The following TNS1 variants were observed in gnomAD, a reference collection of about 807,000 sequenced individuals.
The protein encoded by TNS1 is tensin 1.
In TNS1, 62 loss-of-function variants were observed where a neutral mutation model predicts 168.6. That is an observed-to-expected ratio of 0.37 (90% CI 0.30 to 0.45). The LOEUF is 0.45. Among genes scored for constraint, TNS1 ranks in the 20% least tolerant of loss-of-function variants. The probability of loss-of-function intolerance (pLI) is 1.00; values close to 1 mark genes in which losing one functional copy is unlikely to be tolerated. For synonymous variants in TNS1, 934 were observed against 933.2 expected (o/e 1.00, Z -0.02); for missense variants, 2,240 against 2,339.4 (o/e 0.96, Z 0.88).
intron 18 of TNS1, among the ~76,000 whole-genome samples, chr2:217,851,327 A>C (rs79968799): frequency 6.6e-6 from 1 of 152,094 alleles, no homozygotes; most frequent in Non-Finnish European, 1.5e-5. Flanking sequence ...GTGATCAGAC[A>C]ACCACAAAAC....
At chr2:218,003,012 T>A, upstream of TNS1, 1 of 442,022 alleles carries the variant, frequency 2.3e-6, no homozygotes, top group Non-Finnish European at 4.6e-6. Flanking sequence ...CCTCTCGCCC[T>A]GCTGCCTCCA....
At chr2:218,028,817 A>C (rs1260739788) in intron 1 of TNS1, among the ~76,000 whole-genome samples, 1 of 152,212 alleles carries the variant, frequency 6.6e-6, no homozygotes, top group Admixed American at 6.5e-5. Flanking sequence ...ACAGTCAGCA[A>C]GGGGACCTGG....
rs551899406 is a variant in TNS1, at chr2:217,802,424, G to C, written c.*2035C>G. ...GAGAAAAAATACAAAAGACACACAC[G>C]CACCTATGTGTGCCATACACACCCA... On this transcript the variant is annotated 3_prime_UTR_variant, in exon 33 of 33. Transcript: ENST00000682258. 6.6e-6 allele frequency: 1 copy of C among 152,380 alleles called. No homozygotes were observed. The highest frequency in any genetic ancestry group is 6.5e-5 in the Admixed American group (1 of 15,302). The allele number at this position is 152,380 out of a possible 1,614,324, so 9.4% of individuals were successfully genotyped here. A position where few individuals can be genotyped will look rare whatever the true frequency, so the allele number is the denominator to read the frequency against.
chr2:217,815,550 A>T (rs1231175528), intron 24 of TNS1, among the ~76,000 whole-genome samples: 3 of 152,114 alleles, frequency 2.0e-5, no homozygotes, highest in Non-Finnish European at 2.9e-5. Context: ...CTCCTCATCC[A>T]TCCCCTATCC....
chr2:217,825,675 CG>C (rs1408981160), intron 22 of TNS1, among the ~76,000 whole-genome samples: 1 of 152,036 alleles, frequency 6.6e-6, no homozygotes, highest in African/African-American at 2.4e-5. Context: ...CTGTGGCTTG[CG>C]GGTGCTTACT....
At chr2:217,954,298 C>T (rs555785650) in intron 3 of TNS1, among the ~76,000 whole-genome samples, 1 of 152,308 alleles carries the variant, frequency 6.6e-6, no homozygotes, top group Admixed American at 6.5e-5. Flanking sequence ...AGCGAATGAG[C>T]TGCGGTCCCC....
chr2:217,909,571 CCACACACACA>C (rs3054350), intron 4 of TNS1, among the ~76,000 whole-genome samples: 41 of 147,192 alleles, frequency 2.8e-4, no homozygotes, highest in Admixed American at 2.5e-3. Context: ...GCCTGGGTGC[CCACACACACA>C]CACACACACA....
At chr2:217,805,531 A>AT (rs1938581618) in intron 32 of TNS1, among the ~76,000 whole-genome samples, 1 of 2,252 alleles carries the variant, frequency 4.4e-4, no homozygotes, top group Non-Finnish European at 8.9e-4. Context: ...CACACCACAC[A>AT]CACCACACAC....
In TNS1 at chr2:217,804,060, G is replaced by C. The variant is rs759149450; in HGVS notation, c.*399C>G. The stretch of plus-strand genomic sequence containing the variant: ...CAGCTTGATTTCCCCTTGCAAAGCA[G>C]TTGAGTTAGGGAGACAGAGCTTTTC... On this transcript the variant is annotated 3_prime_UTR_variant, in exon 33 of 33. Coordinates refer to ENST00000682258, the MANE Select transcript of TNS1 (RefSeq NM_001387777.1). 1.9e-4 allele frequency: 31 copies of C among 159,418 alleles called. No individual in the cohort carries two copies. Among genetic ancestry groups the C allele is most frequent in the Non-Finnish European group, 3.3e-4 (24 of 72,708 alleles). 9.9% of individuals were successfully genotyped at this position (159,418 alleles called of 1,614,324 possible). A position where few individuals can be genotyped will look rare whatever the true frequency, so the allele number is the denominator to read the frequency against.
At chr2:217,895,120 A>G in intron 8 of TNS1, 64 bp from the exon 9 acceptor site, 1 of 1,491,698 alleles carries the variant, frequency 6.7e-7, no homozygotes, top group Non-Finnish European at 9.2e-7. Context: ...GAGGAGAGAG[A>G]GAACCATGGC....
chr2:217,920,126 A>G (rs1955564170), intron 4 of TNS1, 69 bp downstream of exon 4: 2 of 702,858 alleles, frequency 2.8e-6, no homozygotes, highest in South Asian at 1.5e-5. Flanking sequence ...GGTCTAAAGA[A>G]AGCTGCAGCT....
Position 217,995,883 on chromosome 2 carries a change from C to G in TNS1, c.34-4827G>C, listed in dbSNP as rs10932736. ...CCCAGAGCTCTAGCCCCCACCCTGCCACCAGCCCACCCAGCATCAGAGGGC... is the reference window on the plus strand; with the variant it reads ...CCCAGAGCTCTAGCCCCCACCCTGCGACCAGCCCACCCAGCATCAGAGGGC... On this transcript the variant is annotated intron_variant, in intron 1 of 32. Coordinates refer to ENST00000682258, the MANE Select transcript of TNS1 (RefSeq NM_001387777.1). The surrounding 1 kb of genome is among the most constrained non-coding windows in gnomAD (Gnocchi z 4.1). Among the ~76,000 whole-genome samples, 40,846 of 152,142 alleles carry G rather than the reference C, an allele frequency of 0.27. 5,767 individuals are homozygous for G. Among genetic ancestry groups the G allele is most frequent in the East Asian group, 0.45 (2,294 of 5,148 alleles).
At chr2:217,843,958 A>C (rs755751792) in intron 19 of TNS1, among the ~76,000 whole-genome samples, 1 of 151,844 alleles carries the variant, frequency 6.6e-6, no homozygotes, top group Non-Finnish European at 1.5e-5. Flanking sequence ...TGCCTTCCAT[A>C]TGTCTCTCCC....
chr2:218,001,528 G>T (rs1958563175), intron 1 of TNS1, among the ~76,000 whole-genome samples: 1 of 152,086 alleles, frequency 6.6e-6, no homozygotes, highest in Admixed American at 6.5e-5. Context: ...CCTTCTTGCT[G>T]CAGAGCTCCC....
In TNS1 at chr2:217,848,514, C is replaced by T. The variant is rs373694993; in HGVS notation, c.2003G>A (p.Gly668Asp). The change falls in exon 19 of 33, where the codon GGT becomes GAT. Residue 668 changes from glycine to aspartate, a missense_variant. Around this residue, in one of 2 missense-constraint regions of TNS1, gnomAD observed 2,131 missense variants for 2,171.2 expected, o/e 0.98. Transcript: ENST00000682258. ...CTCCATGGGGTAGGACTTGTCCAGA[C>T]CGTTGGTCAGTGGGGACAGGGCCTC... is the stretch of plus-strand genomic sequence containing the variant. ...YPEALSPLTN[G>D]LDKSYPMEPM... The T allele has an allele frequency of 3.2e-5, 51 of 1,613,514 alleles. No homozygotes were observed. The African/African-American group carries it at 4.7e-4, about 15-fold the overall frequency.
intron 19 of TNS1, among the ~76,000 whole-genome samples, chr2:217,839,067 TACAC>T (rs71057583): frequency 2.7e-5 from 4 of 146,880 alleles, no homozygotes; most frequent in Non-Finnish European, 6.0e-5. Context: ...TGCATGTACA[TACAC>T]ACACACACAC....
At chr2:217,826,145 C>T (rs915089692) in intron 22 of TNS1, among the ~76,000 whole-genome samples, 1 of 152,196 alleles carries the variant, frequency 6.6e-6, no homozygotes, top group African/African-American at 2.4e-5. Flanking sequence ...ACCTGCCCTT[C>T]CAGTCCCAGA....
chr2:217,836,598 A>G (rs1945209483), intron 19 of TNS1, among the ~76,000 whole-genome samples: 1 of 152,176 alleles, frequency 6.6e-6, no homozygotes, highest in African/African-American at 2.4e-5. Context: ...TGCATCAACC[A>G]ACCAGCAACA....
upstream of TNS1, among the ~76,000 whole-genome samples, chr2:218,011,148 G>A (rs1434161592): frequency 6.6e-6 from 1 of 152,176 alleles, no homozygotes; most frequent in Non-Finnish European, 1.5e-5. Flanking sequence ...TCTCCCTTCT[G>A]CGTGCCCTTG....
Sources: gnomAD v4.1 joint callset for allele counts (sites outside exome capture counted in the v4.1 genomes callset) on GRCh38, gnomAD v4.1.1 for gene constraint, gnomAD v4.1.1 regional missense constraint, Gnocchi (gnomAD v3.1) non-coding constraint, MANE v1.5 for transcripts, NCBI Gene and HGNC (gene_info 2026-07-23, HGNC 2026-07-21) for gene names.